The following CROCC variants were observed in gnomAD, a reference collection of about 807,000 sequenced individuals.
CROCC encodes the protein rootletin.
A neutral mutation model predicts 245.2 loss-of-function variants in CROCC; 180 were observed. That is an observed-to-expected ratio of 0.73 (90% CI 0.65 to 0.83). The LOEUF is 0.83. Among genes scored for constraint, CROCC ranks in the 40% least tolerant of loss-of-function variants. The pLI is 0.00. For missense variants in CROCC, 2,688 were observed against 2,779.4 expected (o/e 0.97, Z 0.74); for synonymous variants, 1,205 against 1,241.6 (o/e 0.97, Z 0.62).
chr1:16,926,481 G>A (rs1469584162), intron 3 of CROCC, among the ~76,000 whole-genome samples: 38 of 152,382 alleles, frequency 2.5e-4, no homozygotes, highest in Admixed American at 3.3e-4. Flanking sequence ...TGGCATGTTG[G>A]GCTGGGTTGG....
intron 35 of CROCC, 38 bp from the exon 36 acceptor site, chr1:16,971,427 C>T (rs371306411): frequency 7.2e-5 from 108 of 1,509,320 alleles, no homozygotes; most frequent in Admixed American, 3.3e-4. Context: ...CACACACTCA[C>T]ACTGGGCCAG....
At chr1:16,947,844 T>C (rs2076084139) in intron 17 of CROCC, among the ~76,000 whole-genome samples, 1 of 152,198 alleles carries the variant, frequency 6.6e-6, no homozygotes, top group African/African-American at 2.4e-5. Flanking sequence ...GTTTTTGTTG[T>C]TGTTTTTTTT....
chr1:16,925,521 AAG>A, intron 3 of CROCC, among the ~76,000 whole-genome samples: 1 of 152,282 alleles, frequency 6.6e-6, no homozygotes. Flanking sequence ...TGTGTATGGG[AAG>A]AGACACTGGG....
chr1:16,958,259 G>A (rs774649326), intron 25 of CROCC, among the ~76,000 whole-genome samples: 2 of 152,206 alleles, frequency 1.3e-5, no homozygotes, highest in Non-Finnish European at 2.9e-5. Flanking sequence ...CATCGCCATC[G>A]TAGAGGGGAA....
chr1:16,956,808 C>T (rs1329053568), intron 25 of CROCC, among the ~76,000 whole-genome samples: 1 of 152,076 alleles, frequency 6.6e-6, no homozygotes, highest in Non-Finnish European at 1.5e-5. Context: ...CTGTAGTTCG[C>T]TGACCCGTGA....
At chr1:16,967,223 T>C (rs2076433115) in intron 30 of CROCC, among the ~76,000 whole-genome samples, 1 of 152,140 alleles carries the variant, frequency 6.6e-6, no homozygotes, top group South Asian at 2.1e-4. Flanking sequence ...GCCTCTGTTT[T>C]ATGTCTCTGT....
At chr1:16,970,893 C>T in intron 35 of CROCC, 126 bp downstream of exon 35, 1 of 1,182,530 alleles carries the variant, frequency 8.5e-7, no homozygotes, top group Non-Finnish European at 1.1e-6. Flanking sequence ...CCTGAGCCTT[C>T]CAGTGACCCA....
intron 14 of CROCC, among the ~76,000 whole-genome samples, chr1:16,945,236 AAAAC>A (rs869185299): frequency 4.6e-5 from 7 of 152,288 alleles, no homozygotes; most frequent in African/African-American, 9.6e-5. Flanking sequence ...GTGTCTCAAA[AAAAC>A]AAACAATGTC....
chr1:16,920,203 C>CA (rs1366035546), upstream of CROCC, among the ~76,000 whole-genome samples: 2 of 152,266 alleles, frequency 1.3e-5, no homozygotes, highest in African/African-American at 4.8e-5. Flanking sequence ...CTCAGCCTCC[C>CA]AGGTAGCTGG....
At chr1:16,953,757 C>T in intron 21 of CROCC, 1 of 394,090 alleles carries the variant, frequency 2.5e-6, no homozygotes, top group Non-Finnish European at 4.5e-6. Flanking sequence ...CGTCCCACCC[C>T]ACGCTGGGCA....
Position 16,930,258 on chromosome 1 carries a change from C to T in CROCC, c.622-28C>T, listed in dbSNP as rs1471765456. ...AGGCCCTGCCCTCCACCTGCCCAAC[C>T]TGATGCTTTAACCTCTCTCCCACCC... On this transcript the variant is annotated intron_variant, in intron 5 of 36. Transcript: ENST00000375541. 2.5e-6 allele frequency: 4 copies of T among 1,593,062 alleles called. No homozygotes were observed. The African/African-American group carries it at 4.0e-5, about 16-fold the overall frequency.
At chr1:16,968,550 T>C in intron 31 of CROCC, 132 bp downstream of exon 31, 1 of 975,522 alleles carries the variant, frequency 1.0e-6, no homozygotes, top group Non-Finnish European at 1.4e-6. Context: ...GATGGACAAA[T>C]GGAGGCTGAG....
intron 8 of CROCC, among the ~76,000 whole-genome samples, chr1:16,933,237 G>A (rs1406749196): frequency 5.9e-5 from 9 of 152,266 alleles, no homozygotes; most frequent in African/African-American, 1.2e-4. Flanking sequence ...AGGCCGAGGC[G>A]GGCGGACCAC....
Position 16,938,948 on chromosome 1 carries a change from G to T in CROCC, c.1414G>T (p.Gly472Cys), listed in dbSNP as rs1227616183. Reference sequence around the variant, plus strand: ...CTCTGAGAGCGGCGTCCAGCTGAGCGGCTCTGAGCGCACCGCGGATGCTTC... The same window carrying T: ...CTCTGAGAGCGGCGTCCAGCTGAGCTGCTCTGAGCGCACCGCGGATGCTTC... ...SDSESGVQLS[G>C]SERTADASNG... The change falls in exon 12 of 37, where the codon GGC becomes TGC. Residue 472 changes from glycine to cysteine, a missense_variant. Physicochemically the swap from Gly to Cys is radical, Grantham distance 159. This residue lies in a region of CROCC where 972 missense variants were observed against 895.3 expected (regional missense o/e 1.09). Transcript: ENST00000375541. 4 of 1,601,834 alleles carry T rather than the reference G, an allele frequency of 2.5e-6. No individual in the cohort carries two copies. Among genetic ancestry groups the T allele is most frequent in the East Asian group, 2.2e-5 (1 of 44,518 alleles).
chr1:16,938,728 T>C (rs772623295), intron 11 of CROCC, among the ~76,000 whole-genome samples, 181 bp from the exon 12 acceptor site: 1 of 152,260 alleles, frequency 6.6e-6, no homozygotes, highest in Non-Finnish European at 1.5e-5. Context: ...TCCCAATAAA[T>C]GGGAGGCCTC....
chr1:16,920,052 C>T (rs1489959424), upstream of CROCC, among the ~76,000 whole-genome samples: 2 of 151,438 alleles, frequency 1.3e-5, no homozygotes, highest in Non-Finnish European at 2.9e-5. Flanking sequence ...CCACCACGCC[C>T]CAGCTAATTT....
chr1:16,938,316 T>C lies in CROCC; in HGVS notation c.1291-84T>C, dbSNP rs2075837382. On this transcript the variant is annotated intron_variant, in intron 10 of 36. Transcript: ENST00000375541. ...ATGGCTTCAGAGGCCACCTGGTCAG[T>C]GGTGGGCCAGGTAGGGAGGGAAAGG... The C allele has an allele frequency of 4.6e-6, 6 of 1,309,638 alleles. No individual in the cohort carries two copies. In the South Asian group the frequency reaches 5.7e-5, roughly 12 times the overall value. The allele number at this position is 1,309,638 out of a possible 1,614,324, so 81.1% of individuals were successfully genotyped here. A position where few individuals can be genotyped will look rare whatever the true frequency, so the allele number is the denominator to read the frequency against.
In CROCC at chr1:16,938,892, C is replaced by G. The variant is rs763753129; in HGVS notation, c.1375-17C>G. 6 of 1,603,200 alleles carry G rather than the reference C, an allele frequency of 3.7e-6. No individual in the cohort carries two copies. In the Admixed American group the frequency reaches 1.1e-4, roughly 28 times the overall value. On this transcript the variant is annotated splice_polypyrimidine_tract_variant and intron_variant, in intron 11 of 36. Transcript: ENST00000375541. ...CTAACTCAGCAGCCTCCTTCTGCCT[C>G]CCTCCCCCACCCTCAGGCCGTCTTG...
At chr1:16,968,144 G>A (rs2076449011) in intron 30 of CROCC, 59 bp from the exon 31 acceptor site, 1 of 1,507,820 alleles carries the variant, frequency 6.6e-7, no homozygotes, top group South Asian at 1.2e-5. Flanking sequence ...CCCAGGGCGT[G>A]TGCGGGAGGG....
Sources: gnomAD v4.1 joint callset for allele counts (sites outside exome capture counted in the v4.1 genomes callset) on GRCh38, gnomAD v4.1.1 for gene constraint, gnomAD v4.1.1 regional missense constraint, MANE v1.5 for transcripts, NCBI Gene and HGNC (gene_info 2026-07-23, HGNC 2026-07-21) for gene names.